Variants in DPP9 observed in about 807,000 individuals in gnomAD.
The protein encoded by DPP9 is dipeptidyl peptidase 9, also known as dipeptidyl peptidase IV-related protein-2.
Under a neutral mutation model 110.7 loss-of-function variants are expected in DPP9, and 50 were observed. That is an observed-to-expected ratio of 0.45 (90% confidence interval 0.36 to 0.57). The LOEUF is 0.57. Among genes scored for constraint, DPP9 ranks in the 20% least tolerant of loss-of-function variants. DPP9 has a pLI of 0.00. For synonymous variants in DPP9, 561 were observed against 514.4 expected (o/e 1.09, Z -1.23); for missense variants, 1,022 against 1,217.9 (o/e 0.84, Z 2.39).
In DPP9 at chr19:4,705,954, G is replaced by A. The variant is rs746750232; in HGVS notation, c.330C>T (p.Ser110=). Residue 110 remains serine (S), a synonymous_variant, in exon 5 of 22, where the codon AGC becomes AGT. Coordinates refer to ENST00000262960, the MANE Select transcript of DPP9 (RefSeq NM_139159.5). ...RLYYLGMPYG[S]RENSLLYSEI... ...CAGAGTAGAGGAGGGAGTTCTCTCG[G>A]CTGCCATATGGCATTCCTAAAGGGA... 5 of 1,613,578 alleles carry A rather than the reference G, an allele frequency of 3.1e-6. No homozygotes were observed. Among genetic ancestry groups the A allele is most frequent in the Non-Finnish European group, 4.2e-6 (5 of 1,179,692 alleles).
chr19:4,684,551 G>C lies in DPP9; in HGVS notation c.2178+112C>G. ...TGAGCCTGCGTCACCCCAGCCAGAA[G>C]TGCCCTTCTGCGGGTGGTATTCCAG... is the stretch of plus-strand genomic sequence containing the variant. On this transcript the variant is annotated intron_variant, in intron 18 of 21. Transcript: ENST00000262960. The surrounding 1 kb of genome is among the most constrained non-coding windows in gnomAD (Gnocchi z 4.8). The C allele has an allele frequency of 7.8e-7, 1 of 1,279,836 alleles. No individual in the cohort carries two copies. The highest frequency in any genetic ancestry group is 1.1e-6 in the Non-Finnish European group (1 of 928,378). 79.3% of individuals were successfully genotyped at this position (1,279,836 alleles called of 1,614,324 possible).
rs2091755513 is a variant in DPP9, at chr19:4,695,812, G to A, written c.1176-257C>T. ...GAAACAATGGCCTAAGTCTCACAGC[G>A]GCAAGCTCTAATAGTTTCTCCTCTT... On this transcript the variant is annotated intron_variant, in intron 11 of 21. Transcript: ENST00000262960. The surrounding 1 kb of genome is among the most constrained non-coding windows in gnomAD (Gnocchi z 4.7). Among the ~76,000 whole-genome samples, 1 of 147,416 alleles carries A rather than the reference G, an allele frequency of 6.8e-6. No individual in the cohort carries two copies. The highest frequency in any genetic ancestry group is 1.5e-5 in the Non-Finnish European group (1 of 68,012).
intron 3 of DPP9, chr19:4,719,586 GC>G (rs1356107421): frequency 2.8e-5 from 15 of 532,220 alleles, no homozygotes; most frequent in Admixed American, 9.4e-5. Flanking sequence ...GTGGGTGGAG[GC>G]CAGGGACGCT....
In DPP9 at chr19:4,710,714, CAG is replaced by C. The variant is rs1223062615; in HGVS notation, c.313+3365_313+3366del. 6.6e-6 allele frequency among the ~76,000 whole-genome samples: 1 copy of C among 152,160 alleles called. No homozygotes were observed. The highest frequency in any genetic ancestry group is 2.4e-5 in the African/African-American group (1 of 41,434). ...AGTGCTAAGAAGTGTTATTATTACT[CAG>C]GGGCTGGGGGGAGGCCTGCCCCGAG... On this transcript the variant is annotated intron_variant, in intron 4 of 21. Transcript: ENST00000262960. This position sits in a 1 kb window ranked among gnomAD's most constrained non-coding sequence, Gnocchi z 5.6.
Position 4,687,856 on chromosome 19 carries a change from G to A in DPP9, c.1885+901C>T, listed in dbSNP as rs1021460795. Among the ~76,000 whole-genome samples, 1 of 152,056 alleles carries A rather than the reference G, an allele frequency of 6.6e-6. No individual in the cohort carries two copies. The highest frequency in any genetic ancestry group is 1.5e-5 in the Non-Finnish European group (1 of 67,998). On this transcript the variant is annotated intron_variant, in intron 16 of 21. Transcript: ENST00000262960. The surrounding 1 kb of genome is among the most constrained non-coding windows in gnomAD (Gnocchi z 4.7). ...TCTGTCGCCCAGGCTAAAGTACAGT[G>A]GTGCGATCTCAGCTCACTGCAACCT...
chr19:4,678,690 G>C (rs2089273033), intron 21 of DPP9, among the ~76,000 whole-genome samples: 1 of 152,064 alleles, frequency 6.6e-6, no homozygotes. Context: ...AGGTGGCTCT[G>C]CCTCCCTCCT....
Position 4,704,184 on chromosome 19 carries a change from G to A in DPP9, c.547C>T (p.Gln183Ter). Reference protein sequence around the residue: ...FHSESGLFLFQASNSLFHCRD... With the variant: ...FHSESGLFLF ...CAGTGGAAGAGGCTGTTGCTGGCCTGGAAGAGGAAGAGGCCACTCTCGCTG... is the reference window on the plus strand; with the variant it reads ...CAGTGGAAGAGGCTGTTGCTGGCCTAGAAGAGGAAGAGGCCACTCTCGCTG... Residue 183 changes from glutamine (Q) to a stop codon, truncating the protein, a stop_gained, in exon 6 of 22, where the codon CAG becomes TAG. Transcript: ENST00000262960. LOFTEE classifies it high-confidence loss of function. This position sits in a 1 kb window ranked among gnomAD's most constrained non-coding sequence, Gnocchi z 6.0. 2 of 1,614,034 alleles carry A rather than the reference G, an allele frequency of 1.2e-6. No individual in the cohort carries two copies. The highest frequency in any genetic ancestry group is 8.5e-7 in the Non-Finnish European group (1 of 1,179,896).
rs1263772236 is a variant in DPP9 at position 4,683,524 on chromosome 19, C to T, written c.2284G>A (p.Gly762Ser). ...RVAIHGWSYG[G>S]FLSLMGLIHK... ...ATTAGCCCCATGAGCGAGAGGAAGCCCCCGTAGGACCAGCCATGGATGGCA... is the reference window on the plus strand; with the variant it reads ...ATTAGCCCCATGAGCGAGAGGAAGCTCCCGTAGGACCAGCCATGGATGGCA... Residue 762 changes from glycine to serine, a missense_variant, in exon 19 of 22, where the codon GGC (glycine) becomes AGC (serine). Gly to Ser is a moderately conservative substitution (Grantham distance 56). Transcript: ENST00000262960. 6.2e-7 allele frequency: 1 copy of T among 1,613,276 alleles called. No individual in the cohort carries two copies. The highest frequency in any genetic ancestry group is 1.1e-5 in the South Asian group (1 of 91,086).
At position 4,676,563 on chromosome 19, in the gene DPP9, C is replaced by T. The variant is rs2088851545; in HGVS notation, c.*1G>A. 1.3e-6 allele frequency: 2 copies of T among 1,590,696 alleles called. No individual in the cohort carries two copies. The highest frequency in any genetic ancestry group is 4.6e-5 in the East Asian group (2 of 43,230). Reference sequence around the variant, plus strand: ...GATGTGGCGGCTCCCGGTGGGCAGGCTCAGAGGTATTCCTGTAGAAAGTGC... The same window carrying T: ...GATGTGGCGGCTCCCGGTGGGCAGGTTCAGAGGTATTCCTGTAGAAAGTGC... On this transcript the variant is annotated 3_prime_UTR_variant, in exon 22 of 22. Coordinates refer to ENST00000262960, the MANE Select transcript of DPP9 (RefSeq NM_139159.5). The surrounding 1 kb of genome is among the most constrained non-coding windows in gnomAD (Gnocchi z 4.0).
At chr19:4,713,237 T>C (rs2092916051) in intron 4 of DPP9, among the ~76,000 whole-genome samples, 1 of 152,238 alleles carries the variant, frequency 6.6e-6, no homozygotes, top group Non-Finnish European at 1.5e-5. Flanking sequence ...TGTGTCACGC[T>C]GCTTTCAAAG....
chr19:4,686,935 C>G (rs560768266), intron 16 of DPP9, among the ~76,000 whole-genome samples: 3 of 152,136 alleles, frequency 2.0e-5, no homozygotes, highest in Non-Finnish European at 4.4e-5. Context: ...AGGGACTGCA[C>G]GTGGCTGGAT....
At chr19:4,681,381 T>C (rs762897425) in intron 20 of DPP9, among the ~76,000 whole-genome samples, 4 of 152,082 alleles carry the variant, frequency 2.6e-5, no homozygotes, top group South Asian at 2.1e-4. Context: ...AGTGGTGCGA[T>C]CTCAGCTCAC....
Position 4,682,590 on chromosome 19 carries a change from C to A in DPP9, c.2474+106G>T. On this transcript the variant is annotated intron_variant, in intron 20 of 21. Transcript: ENST00000262960. This position sits in a 1 kb window ranked among gnomAD's most constrained non-coding sequence, Gnocchi z 7.1. ...GGAGGCTCCACATGGCCTGAGGCTC[C>A]CTGGGCAGGGCCAGCTGGGGCAGGA... The A allele has an allele frequency of 6.7e-7, 1 of 1,497,018 alleles. No individual in the cohort carries two copies. Among genetic ancestry groups the A allele is most frequent in the African/African-American group, 1.4e-5 (1 of 72,652 alleles). 92.7% of individuals were successfully genotyped at this position (1,497,018 alleles called of 1,614,324 possible).
intron 4 of DPP9, among the ~76,000 whole-genome samples, chr19:4,709,313 G>C (rs1209198807): frequency 6.6e-6 from 1 of 152,172 alleles, no homozygotes; most frequent in Non-Finnish European, 1.5e-5. Flanking sequence ...GCGCGCTTGT[G>C]AAGTACAGTA....
intron 13 of DPP9, among the ~76,000 whole-genome samples, chr19:4,692,279 T>C (rs974081246): frequency 6.6e-6 from 1 of 152,176 alleles, no homozygotes; most frequent in East Asian, 1.9e-4. Flanking sequence ...AGAAACACAC[T>C]GAGATGGTTT....
In DPP9 at chr19:4,685,311, C is replaced by T; in HGVS notation, c.2031+315G>A. On this transcript the variant is annotated intron_variant, in intron 17 of 21. Transcript: ENST00000262960. The surrounding 1 kb of genome is among the most constrained non-coding windows in gnomAD (Gnocchi z 5.8). The stretch of plus-strand genomic sequence containing the variant: ...TTGACCCCTGCTCCAGGAATTGGGC[C>T]CAGGGCCCATGGCCACCTCCATACC... 2 of 574,836 alleles carry T rather than the reference C, an allele frequency of 3.5e-6. No individual in the cohort carries two copies. The highest frequency in any genetic ancestry group is 6.6e-6 in the Non-Finnish European group (2 of 303,312). The allele number at this position is 574,836 out of a possible 1,614,324, so 35.6% of individuals were successfully genotyped here.
At chr19:4,717,054 G>T (rs1031172065) in intron 3 of DPP9, among the ~76,000 whole-genome samples, 1 of 152,174 alleles carries the variant, frequency 6.6e-6, no homozygotes, top group African/African-American at 2.4e-5. Context: ...GCTGTGGGCT[G>T]ATTTCTGGAG....
At position 4,685,507 on chromosome 19, in the gene DPP9, C is replaced by A; in HGVS notation, c.2031+119G>T. On this transcript the variant is annotated intron_variant, in intron 17 of 21. Coordinates refer to ENST00000262960, the MANE Select transcript of DPP9 (RefSeq NM_139159.5). The surrounding 1 kb of genome is among the most constrained non-coding windows in gnomAD (Gnocchi z 5.8). The stretch of plus-strand genomic sequence containing the variant: ...GGGCAGGCGGGGTGGGCTGGGGCAC[C>A]AGGCAGGTAGCCGGGGAGCCTCCTC... The A allele has an allele frequency of 1.7e-6, 2 of 1,176,274 alleles. No homozygotes were observed. Among genetic ancestry groups the A allele is most frequent in the South Asian group, 1.4e-5 (1 of 70,372 alleles). The allele number at this position is 1,176,274 out of a possible 1,614,324, so 72.9% of individuals were successfully genotyped here. A position where few individuals can be genotyped will look rare whatever the true frequency, so the allele number is the denominator to read the frequency against.
intron 4 of DPP9, among the ~76,000 whole-genome samples, chr19:4,706,931 T>C (rs2092614762): frequency 6.6e-6 from 1 of 152,172 alleles, no homozygotes; most frequent in Non-Finnish European, 1.5e-5. Context: ...TGCGAGGCGC[T>C]GAGCAGCATC....
Sources: gnomAD v4.1 joint callset for allele counts (sites outside exome capture counted in the v4.1 genomes callset) on GRCh38, gnomAD v4.1.1 for gene constraint, Gnocchi (gnomAD v3.1) non-coding constraint, MANE v1.5 for transcripts, NCBI Gene and HGNC (gene_info 2026-07-23, HGNC 2026-07-21) for gene names.